Variants in MEGF11 observed in about 807,000 individuals in gnomAD.
MEGF11 encodes the protein multiple EGF like domains 11, also known as multiple epidermal growth factor-like domains protein 11.
In MEGF11, 126 loss-of-function variants were observed where a neutral mutation model predicts 146.6. The ratio of observed to expected loss-of-function variants is 0.86; its 90% CI spans 0.74 to 1.00. MEGF11 has a LOEUF of 1.00. Among genes scored for constraint, MEGF11 ranks in the 50% least tolerant of loss-of-function variants. The pLI is 0.00. For missense variants in MEGF11, 1,509 were observed against 1,521.2 expected (o/e 0.99, Z 0.13); for synonymous variants, 532 against 583.4 (o/e 0.91, Z 1.27).
chr15:65,969,933 C>T (rs188046102), intron 8 of MEGF11, among the ~76,000 whole-genome samples: 166 of 152,202 alleles, frequency 1.1e-3, no homozygotes, highest in African/African-American at 3.9e-3. Context: ...TCACACACAC[C>T]GGTTGCTGTT....
chr15:66,026,554 G>A (rs2083337909), intron 5 of MEGF11, among the ~76,000 whole-genome samples: 1 of 152,128 alleles, frequency 6.6e-6, no homozygotes, highest in South Asian at 2.1e-4. Flanking sequence ...CGCGATCTTG[G>A]CTCACTGCAA....
chr15:66,046,789 C>T (rs2084222693), intron 5 of MEGF11, among the ~76,000 whole-genome samples: 1 of 152,160 alleles, frequency 6.6e-6, no homozygotes, highest in Admixed American at 6.5e-5. Context: ...GCTTTGCTGG[C>T]CTCTGTATCT....
At chr15:66,094,707 C>T (rs1298697244) in intron 4 of MEGF11, among the ~76,000 whole-genome samples, 3 of 152,178 alleles carry the variant, frequency 2.0e-5, no homozygotes, top group Non-Finnish European at 4.4e-5. Flanking sequence ...TTCATCCCAG[C>T]TCATTTCTTA....
In MEGF11 at chr15:65,970,706, A is replaced by T; in HGVS notation, c.763-17T>A. On this transcript the variant is annotated splice_polypyrimidine_tract_variant and intron_variant, in intron 7 of 25. Coordinates refer to ENST00000395614, the MANE Select transcript of MEGF11 (RefSeq NM_001385028.1). ...CACTGCTCCCTAAAAGAAAGGTGGG[A>T]AGACATGCATGGCGGTGCTCCAGAA... 1 of 1,603,444 alleles carries T rather than the reference A, an allele frequency of 6.2e-7. No homozygotes were observed. Among genetic ancestry groups the T allele is most frequent in the Non-Finnish European group, 8.5e-7 (1 of 1,174,914 alleles).
intron 1 of MEGF11, among the ~76,000 whole-genome samples, chr15:66,138,880 G>A (rs747485979): frequency 7.9e-5 from 12 of 152,208 alleles, no homozygotes; most frequent in African/African-American, 1.4e-4. Context: ...CTGATGGGGC[G>A]TATGGGATGC....
At chr15:65,916,021 T>G (rs1359957415) in intron 18 of MEGF11, 127 bp downstream of exon 18, 1 of 1,196,726 alleles carries the variant, frequency 8.4e-7, no homozygotes, top group East Asian at 2.8e-5. Context: ...CCTTGGAAGT[T>G]GTCCCCAAAG....
chr15:66,035,015 G>A (rs764432707), intron 5 of MEGF11, among the ~76,000 whole-genome samples: 17 of 152,082 alleles, frequency 1.1e-4, no homozygotes, highest in Non-Finnish European at 2.1e-4. Context: ...TCACGCTCTC[G>A]TACTTCCCAG....
At position 66,156,384 on chromosome 15, in the gene MEGF11, A is replaced by G. The variant is rs78708555; in HGVS notation, c.-8-27973T>C. On this transcript the variant is annotated intron_variant, in intron 1 of 25. Coordinates refer to ENST00000395614, the MANE Select transcript of MEGF11 (RefSeq NM_001385028.1). ...CAGCATGGCCTCCACAGAGAGGTCC[A>G]AATTTCAAAATTCAAGCCACCAGCA... Among the ~76,000 whole-genome samples the G allele has an allele frequency of 4.8e-3, 728 of 152,096 alleles. 4 individuals carry two copies. The highest frequency in any genetic ancestry group is 0.017 in the African/African-American group (704 of 41,484).
chr15:66,101,701 C>G (rs923216689), intron 4 of MEGF11, among the ~76,000 whole-genome samples: 1 of 152,218 alleles, frequency 6.6e-6, no homozygotes, highest in African/African-American at 2.4e-5. Context: ...CAGAGGCTCC[C>G]TCTCCTCTCA....
Position 65,897,790 on chromosome 15 carries a change from G to T in MEGF11, c.*144C>A. On this transcript the variant is annotated 3_prime_UTR_variant, in exon 26 of 26. Transcript: ENST00000395614. ...TGAACAATTATCCCAGTCCCACCTG[G>T]ACGCTCTTCTTTAGTTCCAGGTGAA... 3 of 768,456 alleles carry T rather than the reference G, an allele frequency of 3.9e-6. No individual in the cohort carries two copies. The highest frequency in any genetic ancestry group is 6.0e-6 in the Non-Finnish European group (3 of 500,786). 47.6% of individuals were successfully genotyped at this position (768,456 alleles called of 1,614,324 possible).
At position 66,067,349 on chromosome 15, in the gene MEGF11, C is replaced by G. The variant is rs56884778; in HGVS notation, c.394+27053G>C. On this transcript the variant is annotated intron_variant, in intron 5 of 25. Transcript: ENST00000395614. ...GTACCTCAGTAAAATGCATTCCTAT[C>G]CACTGTCTACATCTGTCACCTTATT... Among the ~76,000 whole-genome samples the G allele has an allele frequency of 3.6e-3, 541 of 152,348 alleles. 4 individuals are homozygous for G. The highest frequency in any genetic ancestry group is 0.012 in the African/African-American group (517 of 41,584).
intron 24 of MEGF11, among the ~76,000 whole-genome samples, chr15:65,904,514 G>T (rs1443511189): frequency 6.6e-6 from 1 of 152,180 alleles, no homozygotes; most frequent in African/African-American, 2.4e-5. Context: ...GTCTTGTTCA[G>T]AATGCAGTAC....
chr15:66,194,789 C>T (rs2090968771), intron 1 of MEGF11, among the ~76,000 whole-genome samples: 1 of 152,062 alleles, frequency 6.6e-6, no homozygotes, highest in East Asian at 1.9e-4. Flanking sequence ...TGTAACCAAA[C>T]ATGACTTGTT....
At chr15:66,147,216 C>T (rs2089405927) in intron 1 of MEGF11, among the ~76,000 whole-genome samples, 2 of 152,182 alleles carry the variant, frequency 1.3e-5, no homozygotes, top group African/African-American at 2.4e-5. Context: ...ATCTGGCTCC[C>T]ACCCTAGTCC....
intron 5 of MEGF11, among the ~76,000 whole-genome samples, chr15:66,055,252 C>A (rs571106410): frequency 6.6e-6 from 1 of 152,382 alleles, no homozygotes; most frequent in African/African-American, 2.4e-5. Flanking sequence ...CATAAATACT[C>A]TGGGCCATTG....
rs58841004 is a variant in MEGF11 at position 66,217,004 on chromosome 15, G to A, written c.-9+36601C>T. ...TCCAGAGCACCCCATGGGACTGGCC[G>A]AGGCCTTGGTTGCCACCACATTGCA... is the stretch of plus-strand genomic sequence containing the variant. On this transcript the variant is annotated intron_variant, in intron 1 of 25. Coordinates refer to ENST00000395614, the MANE Select transcript of MEGF11 (RefSeq NM_001385028.1). 5.3e-3 allele frequency among the ~76,000 whole-genome samples: 809 copies of A among 152,358 alleles called. 11 individuals are homozygous for A. The highest frequency in any genetic ancestry group is 0.019 in the African/African-American group (777 of 41,580).
At chr15:66,210,120 C>G (rs1008050567) in intron 1 of MEGF11, among the ~76,000 whole-genome samples, 1 of 152,166 alleles carries the variant, frequency 6.6e-6, no homozygotes, top group Non-Finnish European at 1.5e-5. Context: ...GCTACTGCAC[C>G]AGGCCTGGAA....
intron 10 of MEGF11, among the ~76,000 whole-genome samples, chr15:65,946,107 G>T (rs1049553970): frequency 6.6e-6 from 1 of 152,216 alleles, no homozygotes; most frequent in Admixed American, 6.5e-5. Flanking sequence ...TGCTATAGAT[G>T]CTTTCAGCGT....
chr15:66,006,142 G>A (rs1223046911), intron 5 of MEGF11, among the ~76,000 whole-genome samples: 1 of 152,214 alleles, frequency 6.6e-6, no homozygotes, highest in Non-Finnish European at 1.5e-5. Flanking sequence ...AAGATAAGAT[G>A]AGTCACACAT....
Sources: gnomAD v4.1 joint callset for allele counts (sites outside exome capture counted in the v4.1 genomes callset) on GRCh38, gnomAD v4.1.1 for gene constraint, MANE v1.5 for transcripts, NCBI Gene and HGNC (gene_info 2026-07-23, HGNC 2026-07-21) for gene names.